FAM199X: variants seen among roughly 807,000 people sequenced by gnomAD.
FAM199X encodes family with sequence similarity 199, X-linked.
In FAM199X, 4 loss-of-function variants were observed where a neutral mutation model predicts 22.9. The ratio of observed to expected loss-of-function variants is 0.17; its 90% CI spans 0.09 to 0.40. FAM199X has a LOEUF of 0.40. Ranked by LOEUF, FAM199X falls within the 10% of genes least tolerant of loss-of-function variation. The pLI is 1.00. For synonymous variants in FAM199X, 101 were observed against 112.3 expected (o/e 0.90, Z 0.64); for missense variants, 183 against 306.8 (o/e 0.60, Z 3.01).
chrX:104,159,683 C>T, the FAM199X span, among the ~76,000 whole-genome samples: 1 of 111,857 alleles, frequency 8.9e-6, no homozygotes, highest in Non-Finnish European at 1.9e-5. Flanking sequence ...TTCAGGCCCC[C>T]TTTACAAGGC....
At chrX:104,170,187 C>T (rs1921316097) in intron 1 of FAM199X, among the ~76,000 whole-genome samples, 1 of 112,123 alleles carries the variant, frequency 8.9e-6, no homozygotes, top group Non-Finnish European at 1.9e-5. Context: ...ATCTTTTACT[C>T]AGTTATGTGA....
At chrX:104,186,438 T>C (rs782438652) in intron 3 of FAM199X, 22 bp from the exon 4 acceptor site, 1 of 1,199,505 alleles carries the variant, frequency 8.3e-7, no homozygotes, top group Non-Finnish European at 1.1e-6. Context: ...AATGATCTTA[T>C]TGTAATTTTT....
intron 2 of FAM199X, among the ~76,000 whole-genome samples, chrX:104,177,170 C>A (rs1156807601): frequency 9.0e-6 from 1 of 111,505 alleles, no homozygotes; most frequent in Non-Finnish European, 1.9e-5. Context: ...AATCTAATTT[C>A]TCTATGGATT....
chrX:104,172,578 T>C (rs1184557624), intron 1 of FAM199X, among the ~76,000 whole-genome samples: 5 of 111,663 alleles, frequency 4.5e-5, no homozygotes, highest in Non-Finnish European at 7.5e-5. Flanking sequence ...TTCAGAACCT[T>C]GTGATGATTA....
upstream of FAM199X, among the ~76,000 whole-genome samples, chrX:104,166,420 TC>T (rs1921184163): frequency 9.0e-6 from 1 of 111,676 alleles, no homozygotes. Context: ...CCGCCGCCCT[TC>T]CCCTCCTTGC....
chrX:104,183,116 A>G (rs1458794900), intron 2 of FAM199X, among the ~76,000 whole-genome samples: 3 of 111,903 alleles, frequency 2.7e-5, no homozygotes, highest in Admixed American at 9.5e-5. Context: ...AGTGCCTGGC[A>G]GATATTCTCC....
chrX:104,187,426 C>T (rs782432395), intron 4 of FAM199X, among the ~76,000 whole-genome samples: 13 of 111,792 alleles, frequency 1.2e-4, no homozygotes, highest in Non-Finnish European at 2.3e-4. Flanking sequence ...TTTTCTGGTA[C>T]GTAGCTGAGT....
the FAM199X span, among the ~76,000 whole-genome samples, chrX:104,160,000 C>G: frequency 8.9e-6 from 1 of 112,296 alleles, no homozygotes; most frequent in Non-Finnish European, 1.9e-5. Flanking sequence ...TCCTGCTTCT[C>G]TCACTCCGCT....
At chrX:104,184,542 G>A (rs935379697) in intron 2 of FAM199X, among the ~76,000 whole-genome samples, 2 of 111,126 alleles carry the variant, frequency 1.8e-5, no homozygotes, top group African/African-American at 3.3e-5. Flanking sequence ...TGGTCATGGC[G>A]GTGACCATGC....
chrX:104,194,583 C>T lies in FAM199X; in HGVS notation c.*4805C>T, dbSNP rs1393881152. The T allele has an allele frequency of 9.0e-6, 1 of 111,722 alleles. No individual in the cohort carries two copies. Among genetic ancestry groups the T allele is most frequent in the Non-Finnish European group, 1.9e-5 (1 of 53,022 alleles). The allele number at this position is 111,722 out of a possible 1,213,427, so 9.2% of individuals were successfully genotyped here. A position where few individuals can be genotyped will look rare whatever the true frequency, so the allele number is the denominator to read the frequency against. On this transcript the variant is annotated 3_prime_UTR_variant, in exon 6 of 6. Transcript: ENST00000493442. ...ACAATGGAGCAGATAATGTCTGTTC[C>T]TGTAGTGGATCCATTTAATTTCCTA...
chrX:104,186,147 C>T lies in FAM199X; in HGVS notation c.499C>T (p.Pro167Ser). The T allele has an allele frequency of 1.7e-6, 2 of 1,210,718 alleles. No homozygotes were observed. The highest frequency in any genetic ancestry group is 5.9e-5 in the East Asian group (2 of 33,809). ...PSIPSSPCLL[P>S]KKKNKHRNLD... ...TATTCCAAGTTCACCTTGCCTGCTT[C>T]CTAAAAAGAAAAACAAGCACCGGAA... The change falls in exon 3 of 6, where the codon CCT becomes TCT. Residue 167 changes from proline (P) to serine (S), a missense_variant. Pro to Ser is a moderately conservative substitution (Grantham distance 74). This residue lies in a region of FAM199X where 128 missense variants were observed against 246.2 expected (regional missense o/e 0.52). Transcript: ENST00000493442.
At position 104,181,668 on chromosome X, in the gene FAM199X, A is replaced by G. The variant is rs113091012; in HGVS notation, c.418-4398A>G. Among the ~76,000 whole-genome samples the G allele has an allele frequency of 2.8e-3, 318 of 112,211 alleles. 3 individuals are homozygous for G. The highest frequency in any genetic ancestry group is 9.8e-3 in the African/African-American group (303 of 30,913). On this transcript the variant is annotated intron_variant, in intron 2 of 5. Transcript: ENST00000493442. The stretch of plus-strand genomic sequence containing the variant: ...AAATTGCATTCCTCTCTTATTACAA[A>G]CTTACCAGACAGGCAAAACTGTTCA...
intron 2 of FAM199X, among the ~76,000 whole-genome samples, chrX:104,177,100 C>G (rs1388133102): frequency 9.0e-6 from 1 of 111,535 alleles, no homozygotes; most frequent in Admixed American, 9.5e-5. Context: ...CAAAAGAAAT[C>G]CTATACCCAT....
chrX:104,177,175 T>C (rs1921512159), intron 2 of FAM199X, among the ~76,000 whole-genome samples: 1 of 111,683 alleles, frequency 9.0e-6, no homozygotes, highest in Non-Finnish European at 1.9e-5. Flanking sequence ...AATTTCTCTA[T>C]GGATTTGCTT....
rs1336456229 is a variant in FAM199X, at chrX:104,166,707, C to T, written c.-79C>T. ...ACCCCGGAGCGTCGGCGACTGCGGACAGGTTAGAGTGGGGGCAGGGGCGGG... is the reference window on the plus strand; with the variant it reads ...ACCCCGGAGCGTCGGCGACTGCGGATAGGTTAGAGTGGGGGCAGGGGCGGG... On this transcript the variant is annotated 5_prime_UTR_variant, in exon 1 of 6. Transcript: ENST00000493442. The T allele has an allele frequency of 2.0e-5, 19 of 928,149 alleles. No homozygotes were observed. Among genetic ancestry groups the T allele is most frequent in the Non-Finnish European group, 2.6e-5 (18 of 686,883 alleles). 76.5% of individuals were successfully genotyped at this position (928,149 alleles called of 1,213,427 possible). A position where few individuals can be genotyped will look rare whatever the true frequency, so the allele number is the denominator to read the frequency against.
At chrX:104,163,819 C>T (rs1050945331), upstream of FAM199X, among the ~76,000 whole-genome samples, 24 of 108,653 alleles carry the variant, frequency 2.2e-4, no homozygotes, top group African/African-American at 8.1e-4. Context: ...AGGTGTGCAC[C>T]ACCACGCCCA....
intron 1 of FAM199X, 49 bp from the exon 2 acceptor site, chrX:104,175,574 G>A (rs202000982): frequency 3.0e-6 from 3 of 1,009,095 alleles, no homozygotes; most frequent in East Asian, 6.2e-5. Flanking sequence ...TCTTAAAATT[G>A]TATGGATTCT....
chrX:104,186,379 C>A, intron 3 of FAM199X, 81 bp from the exon 4 acceptor site: 1 of 1,100,600 alleles, frequency 9.1e-7, no homozygotes, highest in Non-Finnish European at 1.2e-6. Flanking sequence ...AGTGCTTCTG[C>A]TATGTAAACA....
At chrX:104,182,624 GT>G (rs1394855153) in intron 2 of FAM199X, among the ~76,000 whole-genome samples, 9 of 111,124 alleles carry the variant, frequency 8.1e-5, no homozygotes, top group Non-Finnish European at 1.5e-4. Flanking sequence ...CTCATACTAT[GT>G]TTTTTTCCAT....
Sources: allele counts gnomAD v4.1 joint callset (sites outside exome capture counted in the v4.1 genomes callset), GRCh38; gene constraint gnomAD v4.1.1; regional missense constraint gnomAD v4.1.1; transcripts MANE v1.5; gene names NCBI Gene and HGNC (gene_info 2026-07-23, HGNC 2026-07-21).